SCHIP1: variants seen among roughly 807,000 people sequenced by gnomAD.
SCHIP1 encodes schwannomin interacting protein 1.
Under a neutral mutation model 29.7 loss-of-function variants are expected in SCHIP1, and 8 were observed. That is an observed-to-expected ratio of 0.27 (90% confidence interval 0.16 to 0.49). The LOEUF (loss-of-function observed/expected upper bound fraction) is 0.49. SCHIP1 is among the 20% of genes least tolerant of loss of function. The probability of loss-of-function intolerance (pLI) is 0.99; values close to 1 mark genes in which losing one functional copy is unlikely to be tolerated. For missense variants in SCHIP1, 193 were observed against 294.6 expected (o/e 0.66, Z 2.52); for synonymous variants, 76 against 94.9 (o/e 0.80, Z 1.16).
At chr3:159,855,416 A>C (rs1713236184) in intron 1 of SCHIP1, among the ~76,000 whole-genome samples, 1 of 152,120 alleles carries the variant, frequency 6.6e-6, no homozygotes, top group East Asian at 1.9e-4. Context: ...TTTTTCGCTA[A>C]TATTTTTCCT....
chr3:159,751,637 C>G, the SCHIP1 span, among the ~76,000 whole-genome samples: 1 of 151,838 alleles, frequency 6.6e-6, no homozygotes, highest in South Asian at 2.1e-4. Flanking sequence ...CTCTGCCTCC[C>G]AGGTTCATGC....
chr3:159,799,508 C>T, the SCHIP1 span, among the ~76,000 whole-genome samples: 1 of 152,188 alleles, frequency 6.6e-6, no homozygotes, highest in African/African-American at 2.4e-5. Context: ...TACGGGTGAC[C>T]GGGGATACAG....
the SCHIP1 span, among the ~76,000 whole-genome samples, chr3:159,742,302 G>A: frequency 6.6e-6 from 1 of 152,210 alleles, no homozygotes; most frequent in East Asian, 1.9e-4. Context: ...AGTTATCGCA[G>A]GACCGGGACA....
chr3:159,337,187 G>A, the SCHIP1 span, among the ~76,000 whole-genome samples: 1 of 151,914 alleles, frequency 6.6e-6, no homozygotes, highest in Non-Finnish European at 1.5e-5. Flanking sequence ...GGTATTGATG[G>A]GATGTATCTC....
the SCHIP1 span, among the ~76,000 whole-genome samples, chr3:159,338,737 T>C: frequency 1.3e-5 from 2 of 152,108 alleles, no homozygotes; most frequent in Admixed American, 1.3e-4. Context: ...GCTGAAGGAA[T>C]ACCTTTTATG....
chr3:159,643,685 T>G, the SCHIP1 span, among the ~76,000 whole-genome samples: 1 of 152,148 alleles, frequency 6.6e-6, no homozygotes, highest in African/African-American at 2.4e-5. Context: ...AACTTTTTAA[T>G]CTCTTCTGCC....
intron 2 of SCHIP1, among the ~76,000 whole-genome samples, chr3:159,873,781 A>G (rs1347234821): frequency 6.6e-6 from 1 of 152,210 alleles, no homozygotes; most frequent in Non-Finnish European, 1.5e-5. Context: ...AAGTTTTTTA[A>G]AGCTTAAAAT....
chr3:159,445,222 G>A, the SCHIP1 span, among the ~76,000 whole-genome samples: 1 of 152,132 alleles, frequency 6.6e-6, no homozygotes, highest in African/African-American at 2.4e-5. Flanking sequence ...CAAAGGATAT[G>A]AACAGACACT....
chr3:159,376,136 T>C, the SCHIP1 span, among the ~76,000 whole-genome samples: 2 of 151,830 alleles, frequency 1.3e-5, no homozygotes, highest in African/African-American at 4.8e-5. Context: ...CCCTGTTAGG[T>C]AACAGGGGAA....
At chr3:159,391,647 G>A in the SCHIP1 span, among the ~76,000 whole-genome samples, 1 of 152,160 alleles carries the variant, frequency 6.6e-6, no homozygotes, top group South Asian at 2.1e-4. Context: ...GAATCAATGA[G>A]CACATAGAAA....
chr3:159,591,408 C>A, the SCHIP1 span, among the ~76,000 whole-genome samples: 1 of 152,084 alleles, frequency 6.6e-6, no homozygotes, highest in Non-Finnish European at 1.5e-5. Context: ...CCCAGCAATC[C>A]CATTACTGGG....
At chr3:159,704,940 CCTTT>C in the SCHIP1 span, among the ~76,000 whole-genome samples, 10 of 65,426 alleles carry the variant, frequency 1.5e-4, no homozygotes, top group Admixed American at 3.7e-4. Context: ...TTCTTTCTTT[CCTTT>C]CTTTCTTTCT....
At chr3:159,444,058 T>C in the SCHIP1 span, among the ~76,000 whole-genome samples, 1 of 152,046 alleles carries the variant, frequency 6.6e-6, no homozygotes, top group African/African-American at 2.4e-5. Context: ...GACAAGAATC[T>C]GAGAGCAACT....
At chr3:159,712,643 G>A in the SCHIP1 span, among the ~76,000 whole-genome samples, 1 of 151,924 alleles carries the variant, frequency 6.6e-6, no homozygotes, top group Admixed American at 6.5e-5. Context: ...TTGAGCCCAG[G>A]AGCTGAAGGC....
At chr3:159,771,232 A>G in the SCHIP1 span, among the ~76,000 whole-genome samples, 1 of 152,238 alleles carries the variant, frequency 6.6e-6, no homozygotes, top group African/African-American at 2.4e-5. Context: ...ACACACTACT[A>G]AAGTAGCTTG....
chr3:159,410,134 CTAAA>C, the SCHIP1 span, among the ~76,000 whole-genome samples: 1 of 152,092 alleles, frequency 6.6e-6, no homozygotes, highest in African/African-American at 2.4e-5. Context: ...TCAAAATTGA[CTAAA>C]TATTTAAATC....
At chr3:159,644,607 C>G in the SCHIP1 span, among the ~76,000 whole-genome samples, 1 of 152,188 alleles carries the variant, frequency 6.6e-6, no homozygotes, top group South Asian at 2.1e-4. Flanking sequence ...TCACATTGAT[C>G]AATAAGCAGG....
chr3:159,739,888 T>C, the SCHIP1 span, among the ~76,000 whole-genome samples: 415 of 152,360 alleles, frequency 2.7e-3, 2 homozygotes, highest in Non-Finnish European at 3.8e-3. Flanking sequence ...ATTTATTCTG[T>C]TGAAAGAGTA....
chr3:159,787,731 T>G, the SCHIP1 span, among the ~76,000 whole-genome samples: 2 of 152,186 alleles, frequency 1.3e-5, no homozygotes, highest in African/African-American at 4.8e-5. Context: ...TTTCCTTCTC[T>G]AAGGGAAGGA....
Sources: gnomAD v4.1 joint callset for allele counts (sites outside exome capture counted in the v4.1 genomes callset) on GRCh38, gnomAD v4.1.1 for gene constraint, MANE v1.5 for transcripts, NCBI Gene and HGNC (gene_info 2026-07-23, HGNC 2026-07-21) for gene names.